ZNF667: variants seen among roughly 807,000 people sequenced by gnomAD.
ZNF667 encodes myocardial ischemic preconditioning upregulated 1 ortholog.
ZNF667 carries 13 observed loss-of-function variants against 31.8 expected under a neutral mutation model. That is an observed-to-expected ratio of 0.41 (90% confidence interval 0.27 to 0.65). The LOEUF is 0.65. Ranked by LOEUF, ZNF667 falls within the 30% of genes least tolerant of loss-of-function variation. ZNF667 has a pLI of 0.32. For missense variants in ZNF667, 642 were observed against 725.6 expected, an observed-to-expected ratio of 0.88 and a Z score of 1.32; for synonymous variants, 228 against 247.1, an observed-to-expected ratio of 0.92 and a Z score of 0.73.
Position 56,441,410 on chromosome 19 carries a change from A to C in ZNF667, c.1585T>G (p.Cys529Gly). ...CTAAAGGCCTTACCACATGTTTTGC[A>C]TGTATATGGCTTCTCTCCAGTGTGA... The part of the protein sequence containing the change: ...RIHTGEKPYT[C>G]KTCGKAFSQR... Residue 529 changes from cysteine to glycine, a missense_variant, in exon 7 of 7, where the codon TGC becomes GGC. Coordinates refer to ENST00000504904, the MANE Select transcript of ZNF667 (RefSeq NM_001321356.2). This position sits in a 1 kb window ranked among gnomAD's most constrained non-coding sequence, Gnocchi z 4.2. 1 of 1,614,162 alleles carries C rather than the reference A, an allele frequency of 6.2e-7. No individual in the cohort carries two copies. The highest frequency in any genetic ancestry group is 8.5e-7 in the Non-Finnish European group (1 of 1,180,038).
At chr19:56,456,205 C>G (rs1214089349) in intron 6 of ZNF667, among the ~76,000 whole-genome samples, 3 of 152,172 alleles carry the variant, frequency 2.0e-5, no homozygotes, top group African/African-American at 7.2e-5. Flanking sequence ...ATATCCAATA[C>G]TAGTGAGTAT....
intron 6 of ZNF667, among the ~76,000 whole-genome samples, chr19:56,451,868 CAAAAAAAAAAAAAAAA>C (rs71184363): frequency 0.026 from 2,070 of 81,012 alleles, 113 homozygotes; most frequent in African/African-American, 0.1. Flanking sequence ...GACCCTGTCT[CAAAAAAAAAAAAAAAA>C]AAAAAAAAAA....
chr19:56,448,638 TA>T (rs34255832), intron 6 of ZNF667, among the ~76,000 whole-genome samples: 57,900 of 148,710 alleles, frequency 0.39, 11,666 homozygotes, highest in Middle Eastern at 0.53. Context: ...TCAACCACAG[TA>T]AAAAAAAAAA....
chr19:56,449,309 T>C lies in ZNF667; in HGVS notation c.254-6568A>G, dbSNP rs138839966. 72 of 429,802 alleles carry C rather than the reference T, an allele frequency of 1.7e-4. 2 individuals are homozygous for C. The highest frequency in any genetic ancestry group is 1.3e-3 in the African/African-American group (62 of 49,286). The allele number at this position is 429,802 out of a possible 1,614,324, so 26.6% of individuals were successfully genotyped here. ...TCCGGGAAAACATGACCTCACCAAA[T>C]GAACTAAATAAGGCAACAGTGACCA... On this transcript the variant is annotated intron_variant, in intron 6 of 6. Coordinates refer to ENST00000504904, the MANE Select transcript of ZNF667 (RefSeq NM_001321356.2).
Position 56,441,309 on chromosome 19 carries a change from C to A in ZNF667, c.1686G>T (p.Lys562Asn). The change falls in exon 7 of 7, where the codon AAG becomes AAT. Residue 562 changes from lysine to asparagine, a missense_variant. Transcript: ENST00000504904. The surrounding 1 kb of genome is among the most constrained non-coding windows in gnomAD (Gnocchi z 4.2). ...EKPYECNECG[K>N]AFSSGSDLIR... ...TAAGGTCTGAGCCACTGCTAAATGCCTTCCCACATTCATTACATTCATAGG... is the reference window on the plus strand; with the variant it reads ...TAAGGTCTGAGCCACTGCTAAATGCATTCCCACATTCATTACATTCATAGG... The A allele has an allele frequency of 6.2e-7, 1 of 1,614,194 alleles. No homozygotes were observed. The highest frequency in any genetic ancestry group is 8.5e-7 in the Non-Finnish European group (1 of 1,180,028).
At chr19:56,475,116 C>T (rs1242788887) in intron 1 of ZNF667, 8 of 152,244 alleles carry the variant, frequency 5.3e-5, no homozygotes, top group Admixed American at 5.2e-4. Flanking sequence ...AAAAGAACAC[C>T]TGCCAAACAC....
At chr19:56,452,569 G>A (rs535014487) in intron 6 of ZNF667, among the ~76,000 whole-genome samples, 7 of 151,672 alleles carry the variant, frequency 4.6e-5, no homozygotes, top group Non-Finnish European at 8.8e-5. Context: ...CCCCAAATTC[G>A]CAGAAAAAAA....
At chr19:56,472,242 C>T (rs2043308102) in intron 2 of ZNF667, 55 bp from the exon 3 acceptor site, 1 of 152,184 alleles carries the variant, frequency 6.6e-6, no homozygotes, top group South Asian at 2.1e-4. Context: ...TCAAAGCTTG[C>T]CTCTGCCAAT....
At chr19:56,460,357 G>GA (rs1175983833) in intron 5 of ZNF667, among the ~76,000 whole-genome samples, 2 of 152,194 alleles carry the variant, frequency 1.3e-5, no homozygotes, top group Non-Finnish European at 2.9e-5. Context: ...GGCACAACCA[G>GA]AGAGATAGAA....
Position 56,441,573 on chromosome 19 carries a change from C to T in ZNF667, c.1422G>A (p.Glu474=). The T allele has an allele frequency of 1.2e-6, 2 of 1,614,138 alleles. No individual in the cohort carries two copies. The highest frequency in any genetic ancestry group is 1.7e-6 in the Non-Finnish European group (2 of 1,180,034). The change falls in exon 7 of 7, where the codon GAG becomes GAA. Residue 474 remains glutamate, a synonymous_variant. Transcript: ENST00000504904. The surrounding 1 kb of genome is among the most constrained non-coding windows in gnomAD (Gnocchi z 4.2). ...GGTGGCTGAAGGCTTTTCCACATTC[C>T]TCACACTGGTAGGGTTTTTCTCCAG... ...IHTGEKPYQC[E]ECGKAFSHRI...
At chr19:56,466,732 C>T (rs576845630) in intron 3 of ZNF667, among the ~76,000 whole-genome samples, 13 of 152,270 alleles carry the variant, frequency 8.5e-5, no homozygotes, top group Middle Eastern at 3.4e-3. Context: ...CCCACCAAGC[C>T]TGCAGAATGT....
At chr19:56,448,340 A>T (rs2042748079) in intron 6 of ZNF667, among the ~76,000 whole-genome samples, 1 of 152,170 alleles carries the variant, frequency 6.6e-6, no homozygotes, top group African/African-American at 2.4e-5. Flanking sequence ...CTTGAGTTCC[A>T]GCAAGTACCC....
At chr19:56,452,900 CAG>C (rs2042863059) in intron 6 of ZNF667, among the ~76,000 whole-genome samples, 1 of 148,246 alleles carries the variant, frequency 6.7e-6, no homozygotes, top group African/African-American at 2.5e-5. Context: ...GCCTGGGTGA[CAG>C]AGCAAGACTC....
At chr19:56,465,913 T>C (rs1361289043) in intron 3 of ZNF667, among the ~76,000 whole-genome samples, 1 of 152,228 alleles carries the variant, frequency 6.6e-6, no homozygotes, top group Non-Finnish European at 1.5e-5. Flanking sequence ...CATGGTGTGG[T>C]GCAGGGAGCA....
intron 6 of ZNF667, among the ~76,000 whole-genome samples, chr19:56,450,890 T>C (rs1400982006): frequency 6.6e-6 from 1 of 152,042 alleles, no homozygotes; most frequent in East Asian, 1.9e-4. Context: ...AAAAATATAA[T>C]TCAAGAAATC....
At chr19:56,450,360 A>G (rs1290436364) in intron 6 of ZNF667, among the ~76,000 whole-genome samples, 2 of 152,204 alleles carry the variant, frequency 1.3e-5, no homozygotes, top group Non-Finnish European at 2.9e-5. Context: ...CTGGAATATT[A>G]TATCCAGTGA....
At chr19:56,460,635 G>C (rs2043025530) in intron 5 of ZNF667, 54 bp downstream of exon 5, 2 of 1,560,550 alleles carry the variant, frequency 1.3e-6, no homozygotes, top group South Asian at 2.4e-5. Flanking sequence ...GACCCAGAGT[G>C]ATGCATGTCC....
intron 3 of ZNF667, among the ~76,000 whole-genome samples, chr19:56,470,377 G>A (rs996732576): frequency 1.7e-4 from 26 of 152,202 alleles, no homozygotes; most frequent in South Asian, 6.2e-4. Flanking sequence ...AGTTAATGAC[G>A]ATGAGAATGA....
intron 6 of ZNF667, among the ~76,000 whole-genome samples, chr19:56,452,758 A>G (rs1194367052): frequency 6.6e-6 from 1 of 152,048 alleles, no homozygotes; most frequent in Non-Finnish European, 1.5e-5. Flanking sequence ...CATCTCTACT[A>G]AAAATACAAA....
Sources: allele counts gnomAD v4.1 joint callset (sites outside exome capture counted in the v4.1 genomes callset), GRCh38; gene constraint gnomAD v4.1.1; non-coding constraint Gnocchi (gnomAD v3.1); transcripts MANE v1.5; gene names NCBI Gene and HGNC (gene_info 2026-07-23, HGNC 2026-07-21).